The following SRARP variants were observed in gnomAD, a reference collection of about 807,000 sequenced individuals.
The protein encoded by SRARP is steroid receptor associated and regulated protein, also known as steroid receptor-associated and regulated protein.
SRARP carries 5 observed loss-of-function variants against 3.6 expected under a neutral mutation model. That is an observed-to-expected ratio of 1.39 (90% CI 0.73 to 2.93). The LOEUF is 2.93. Ranked by LOEUF, SRARP falls within the 30% of genes most tolerant of loss-of-function variation. The pLI, the probability that SRARP is intolerant of heterozygous loss-of-function variation, is 0.00. For synonymous variants in SRARP, 96 were observed against 91.6 expected (o/e 1.05, Z -0.27); for missense variants, 215 against 216.7 (o/e 0.99, Z 0.05).
rs150706211 is a variant in SRARP at position 16,006,245 on chromosome 1, G to A, written c.409G>A (p.Gly137Arg). Residue 137 changes from glycine (G) to arginine (R), a missense_variant, in exon 2 of 2, where the codon GGG becomes AGG. Physicochemically the swap from Gly to Arg is moderately radical, Grantham distance 125. Coordinates refer to ENST00000329454, the MANE Select transcript of SRARP (RefSeq NM_178840.4). ...CCCCCAGGAGGTTCCCGAGGCTAAGGGGAAACCCGTGAAGGCTGCGCCTGT... is the reference window on the plus strand; with the variant it reads ...CCCCCAGGAGGTTCCCGAGGCTAAGAGGAAACCCGTGAAGGCTGCGCCTGT... Reference protein sequence around the residue: ...LCPQEVPEAKGKPVKAAPVRS... With the variant: ...LCPQEVPEAKRKPVKAAPVRS... 1.2e-4 allele frequency: 187 copies of A among 1,613,706 alleles called. No homozygotes were observed. Among genetic ancestry groups the A allele is most frequent in the Non-Finnish European group, 1.5e-4 (172 of 1,180,044 alleles).
At position 16,007,096 on chromosome 1, in the gene SRARP, G is replaced by A. The variant is rs1480849167; in HGVS notation, c.*750G>A. 6.6e-6 allele frequency: 1 copy of A among 152,174 alleles called. No homozygotes were observed. Among genetic ancestry groups the A allele is most frequent in the African/African-American group, 2.4e-5 (1 of 41,432 alleles). 9.4% of individuals were successfully genotyped at this position (152,174 alleles called of 1,614,324 possible). On this transcript the variant is annotated 3_prime_UTR_variant, in exon 2 of 2. Coordinates refer to ENST00000329454, the MANE Select transcript of SRARP (RefSeq NM_178840.4). ...CCATAAGGCAGCCCAGGTGGGACCT[G>A]GGGATCTGAGATGGGAAATAAGGGG...
At position 16,006,361 on chromosome 1, in the gene SRARP, C is replaced by A; in HGVS notation, c.*15C>A. 6.4e-7 allele frequency: 1 copy of A among 1,563,856 alleles called. No homozygotes were observed. Among genetic ancestry groups the A allele is most frequent in the Non-Finnish European group, 8.7e-7 (1 of 1,151,350 alleles). On this transcript the variant is annotated 3_prime_UTR_variant, in exon 2 of 2. Transcript: ENST00000329454. Reference sequence around the variant, plus strand: ...AGGCCGATTAGCTGGAAGGGCCGGGCTCTGATGCCCAGAGGCTGCAATTCC... The same window carrying A: ...AGGCCGATTAGCTGGAAGGGCCGGGATCTGATGCCCAGAGGCTGCAATTCC...
At chr1:16,005,663 A>G (rs1009067636) in intron 1 of SRARP, among the ~76,000 whole-genome samples, 2 of 152,180 alleles carry the variant, frequency 1.3e-5, no homozygotes, top group Non-Finnish European at 2.9e-5. Context: ...TCTTGAGTCC[A>G]GGAGTTTGAG....
rs2073127098 is a variant in SRARP, at chr1:16,006,167, C to A, written c.331C>A (p.Pro111Thr). Reference sequence around the variant, plus strand: ...CCTTGCCCAGGCCAGGGCCACCCTGCCGCTCTGCAGAGGGTCTGTGGCCTC... The same window carrying A: ...CCTTGCCCAGGCCAGGGCCACCCTGACGCTCTGCAGAGGGTCTGTGGCCTC... Reference protein sequence around the residue: ...GCLAQARATLPLCRGSVASAS... With the variant: ...GCLAQARATLTLCRGSVASAS... The change falls in exon 2 of 2, where the codon CCG becomes ACG. Residue 111 changes from proline (P) to threonine (T), a missense_variant. By Grantham distance (38) the Pro-to-Thr change is conservative (BLOSUM62 -1). Coordinates refer to ENST00000329454, the MANE Select transcript of SRARP (RefSeq NM_178840.4). 2 of 1,613,878 alleles carry A rather than the reference C, an allele frequency of 1.2e-6. No homozygotes were observed. The highest frequency in any genetic ancestry group is 2.2e-5 in the East Asian group (1 of 44,870).
At chr1:16,005,109 G>C (rs1384780718) in intron 1 of SRARP, among the ~76,000 whole-genome samples, 1 of 152,176 alleles carries the variant, frequency 6.6e-6, no homozygotes, top group Non-Finnish European at 1.5e-5. Flanking sequence ...GATTCTCTGA[G>C]GCTGTGGACA....
Position 16,006,312 on chromosome 1 carries a change from C to T in SRARP, c.476C>T (p.Ala159Val). ...GGAACAGTCAAGGACTCACTGAAAG[C>T]CCTCTCCTCTTGTGTCTGTGGGCAG... is the stretch of plus-strand genomic sequence containing the variant. Reference protein sequence around the residue: ...TWGTVKDSLKALSSCVCGQAD With the variant: ...TWGTVKDSLKVLSSCVCGQAD Residue 159 changes from alanine (A) to valine (V), a missense_variant, in exon 2 of 2, where the codon GCC becomes GTC. By Grantham distance (64) the Ala-to-Val change is moderately conservative (BLOSUM62 0). Coordinates refer to ENST00000329454, the MANE Select transcript of SRARP (RefSeq NM_178840.4). 6.2e-7 allele frequency: 1 copy of T among 1,608,380 alleles called. No homozygotes were observed.
In SRARP at chr1:16,006,132, G is replaced by A. The variant is rs1186073348; in HGVS notation, c.296G>A (p.Gly99Asp). The A allele has an allele frequency of 2.5e-6, 4 of 1,613,754 alleles. No homozygotes were observed. The highest frequency in any genetic ancestry group is 2.5e-6 in the Non-Finnish European group (3 of 1,179,964). ...CATCTGACTCGGGTGACCCCCATGG[G>A]TGGGGGATGCCTTGCCCAGGCCAGG... The part of the protein sequence containing the change: ...WPHLTRVTPM[G>D]GGCLAQARAT... Residue 99 changes from glycine (G) to aspartate (D), a missense_variant, in exon 2 of 2, where the codon GGT (glycine) becomes GAT (aspartate). By Grantham distance (94) the Gly-to-Asp change is moderately conservative (BLOSUM62 -1). Transcript: ENST00000329454.
chr1:16,007,267 T>TG lies in SRARP; in HGVS notation c.*927dup, dbSNP rs1315101369. On this transcript the variant is annotated 3_prime_UTR_variant, in exon 2 of 2. Coordinates refer to ENST00000329454, the MANE Select transcript of SRARP (RefSeq NM_178840.4). The stretch of plus-strand genomic sequence containing the variant: ...GGATAGCAAAAAAAAAAAAAAAAGG[T>TG]GGGGGGAGGAGGTTCACCCCTCAGG... 7.3e-6 allele frequency: 1 copy of TG among 136,260 alleles called. No individual in the cohort carries two copies. The highest frequency in any genetic ancestry group is 1.6e-5 in the Non-Finnish European group (1 of 62,948). The allele number at this position is 136,260 out of a possible 1,614,324, so 8.4% of individuals were successfully genotyped here.
At position 16,006,316 on chromosome 1, in the gene SRARP, C is replaced by G. The variant is rs1354373680; in HGVS notation, c.480C>G (p.Leu160=). ...CAGTCAAGGACTCACTGAAAGCCCT[C>G]TCCTCTTGTGTCTGTGGGCAGGCCG... ...WGTVKDSLKA[L]SSCVCGQAD Residue 160 remains leucine (L), a synonymous_variant, in exon 2 of 2, where the codon CTC becomes CTG. Transcript: ENST00000329454. 1.9e-6 allele frequency: 3 copies of G among 1,606,612 alleles called. No individual in the cohort carries two copies. Among genetic ancestry groups the G allele is most frequent in the Non-Finnish European group, 2.5e-6 (3 of 1,176,938 alleles).
intron 1 of SRARP, 83 bp downstream of exon 1, chr1:16,004,468 A>T: frequency 7.9e-7 from 1 of 1,271,118 alleles, no homozygotes; most frequent in Non-Finnish European, 1.1e-6. Context: ...TAATCCCAGC[A>T]CTTTGGGAGG....
Position 16,007,388 on chromosome 1 carries a change from A to G in SRARP, c.*1042A>G, listed in dbSNP as rs928711401. ...TGCACAGCACTGTGAGAAACCCTAA[A>G]GCAACCTATTTAAGGAAGTCAGTCT... On this transcript the variant is annotated 3_prime_UTR_variant, in exon 2 of 2. Transcript: ENST00000329454. 1 of 152,152 alleles carries G rather than the reference A, an allele frequency of 6.6e-6. No homozygotes were observed. Among genetic ancestry groups the G allele is most frequent in the Admixed American group, 6.6e-5 (1 of 15,266 alleles). The allele number at this position is 152,152 out of a possible 1,614,324, so 9.4% of individuals were successfully genotyped here.
Position 16,005,899 on chromosome 1 carries a change from G to C in SRARP, c.83-20G>C, listed in dbSNP as rs971598892. ...AAGTCCCCTGCTTGTGCTAACTTTT[G>C]GTCTTTTCCTCTCTTCTAGGTGGGA... On this transcript the variant is annotated intron_variant, in intron 1 of 1. Transcript: ENST00000329454. The C allele has an allele frequency of 2.6e-6, 4 of 1,525,530 alleles. No homozygotes were observed. In the African/African-American group the frequency reaches 5.6e-5, roughly 21 times the overall value. 94.5% of individuals were successfully genotyped at this position (1,525,530 alleles called of 1,614,324 possible). A position where few individuals can be genotyped will look rare whatever the true frequency, so the allele number is the denominator to read the frequency against.
rs2073127228 is a variant in SRARP at position 16,006,174 on chromosome 1, G to A, written c.338G>A (p.Cys113Tyr). Residue 113 changes from cysteine to tyrosine, a missense_variant, in exon 2 of 2, where the codon TGC becomes TAC. Cys to Tyr is a radical substitution (Grantham distance 194, BLOSUM62 -2). Coordinates refer to ENST00000329454, the MANE Select transcript of SRARP (RefSeq NM_178840.4). ...CAGGCCAGGGCCACCCTGCCGCTCTGCAGAGGGTCTGTGGCCTCAGCTTCC... is the reference window on the plus strand; with the variant it reads ...CAGGCCAGGGCCACCCTGCCGCTCTACAGAGGGTCTGTGGCCTCAGCTTCC... Reference protein sequence around the residue: ...LAQARATLPLCRGSVASASFP... With the variant: ...LAQARATLPLYRGSVASASFP... 2 of 1,613,930 alleles carry A rather than the reference G, an allele frequency of 1.2e-6. No individual in the cohort carries two copies. Among genetic ancestry groups the A allele is most frequent in the African/African-American group, 1.3e-5 (1 of 75,076 alleles).
chr1:16,006,516 A>G lies in SRARP; in HGVS notation c.*170A>G, dbSNP rs1349092438. The G allele has an allele frequency of 1.2e-5, 8 of 673,994 alleles. No individual in the cohort carries two copies. The highest frequency in any genetic ancestry group is 7.3e-5 in the African/African-American group (4 of 54,974). The allele number at this position is 673,994 out of a possible 1,614,324, so 41.8% of individuals were successfully genotyped here. A position where few individuals can be genotyped will look rare whatever the true frequency, so the allele number is the denominator to read the frequency against. On this transcript the variant is annotated 3_prime_UTR_variant, in exon 2 of 2. Transcript: ENST00000329454. ...CAGAGGCAGGATAAGTCACCTGCAC[A>G]TGAAGAGACTCATTCATTCATACAG...
intron 1 of SRARP, among the ~76,000 whole-genome samples, chr1:16,005,607 C>T (rs2073122666): frequency 2.0e-5 from 3 of 152,232 alleles, no homozygotes; most frequent in African/African-American, 7.2e-5. Context: ...GGTGCAGTGG[C>T]TCACGCCTGC....
chr1:16,008,207 G>A lies in SRARP; in HGVS notation c.*1861G>A, dbSNP rs2073140632. 6.6e-6 allele frequency: 1 copy of A among 152,178 alleles called. No individual in the cohort carries two copies. Among genetic ancestry groups the A allele is most frequent in the South Asian group, 2.1e-4 (1 of 4,820 alleles). 9.4% of individuals were successfully genotyped at this position (152,178 alleles called of 1,614,324 possible). A position where few individuals can be genotyped will look rare whatever the true frequency, so the allele number is the denominator to read the frequency against. ...GGAGATCAGGGAGGACTTCCTGCAG[G>A]AAGTGATGCCGAAAATGAGATCTGA... On this transcript the variant is annotated 3_prime_UTR_variant, in exon 2 of 2. Transcript: ENST00000329454.
rs918517652 is a variant in SRARP, at chr1:16,008,337, C to T, written c.*1991C>T. ...CTGGCTAGGGTAATTGTCATTCATT[C>T]ATTTATTCACCAAGTATTTATTGGG... is the stretch of plus-strand genomic sequence containing the variant. On this transcript the variant is annotated 3_prime_UTR_variant, in exon 2 of 2. Transcript: ENST00000329454. The T allele has an allele frequency of 6.6e-6, 1 of 152,160 alleles. No homozygotes were observed. Among genetic ancestry groups the T allele is most frequent in the Non-Finnish European group, 1.5e-5 (1 of 68,044 alleles). 9.4% of individuals were successfully genotyped at this position (152,160 alleles called of 1,614,324 possible). A position where few individuals can be genotyped will look rare whatever the true frequency, so the allele number is the denominator to read the frequency against.
rs778016607 is a variant in SRARP, at chr1:16,004,301, C to T, written c.-3C>T. ...AGAGCTAGGCAGGCGCCGAAGTAGC[C>T]GCATGGCCCCGTCAGAAGACCCCAG... On this transcript the variant is annotated 5_prime_UTR_variant, in exon 1 of 2. Transcript: ENST00000329454. The T allele has an allele frequency of 3.1e-5, 50 of 1,596,820 alleles. No homozygotes were observed. The highest frequency in any genetic ancestry group is 8.0e-5 in the African/African-American group (6 of 74,690).
chr1:16,006,468 C>T lies in SRARP; in HGVS notation c.*122C>T, dbSNP rs1471463885. 18 of 1,095,014 alleles carry T rather than the reference C, an allele frequency of 1.6e-5. 1 individual carries two copies. The allele number at this position is 1,095,014 out of a possible 1,614,324, so 67.8% of individuals were successfully genotyped here. A position where few individuals can be genotyped will look rare whatever the true frequency, so the allele number is the denominator to read the frequency against. On this transcript the variant is annotated 3_prime_UTR_variant, in exon 2 of 2. Transcript: ENST00000329454. ...AAACATCATTAGATCCGCTAAGGGG[C>T]ATCTGAAACATCCGTCGAGTGGCAG... is the stretch of plus-strand genomic sequence containing the variant.
Sources: gnomAD v4.1 joint callset for allele counts (sites outside exome capture counted in the v4.1 genomes callset) on GRCh38, gnomAD v4.1.1 for gene constraint, MANE v1.5 for transcripts, NCBI Gene and HGNC (gene_info 2026-07-23, HGNC 2026-07-21) for gene names.